Variants in ANO1 observed in about 807,000 individuals in gnomAD.
The protein encoded by ANO1 is anoctamin-1.
In ANO1, 59 loss-of-function variants were observed where a neutral mutation model predicts 124.0. The observed-to-expected ratio is 0.48, with a 90% CI of 0.39 to 0.59. The LOEUF (loss-of-function observed/expected upper bound fraction) is 0.59. ANO1 is among the 20% of genes least tolerant of loss of function. The pLI is 0.00. For synonymous variants in ANO1, 529 were observed against 532.0 expected (o/e 0.99, Z 0.08); for missense variants, 1,059 against 1,328.0 (o/e 0.80, Z 3.15).
At chr11:70,071,589 A>G (rs1332334935) in intron 1 of ANO1, among the ~76,000 whole-genome samples, 1 of 151,792 alleles carries the variant, frequency 6.6e-6, no homozygotes, top group African/African-American at 2.4e-5. Flanking sequence ...GTAGTTGGAA[A>G]AAAGAGAATG....
chr11:70,071,622 T>G (rs1857875786), intron 1 of ANO1, among the ~76,000 whole-genome samples: 1 of 150,846 alleles, frequency 6.6e-6, no homozygotes, highest in Admixed American at 6.6e-5. Context: ...TTAATAACTT[T>G]TTTTTTTTTA....
At chr11:70,036,646 C>T (rs188565507) in intron 1 of ANO1, among the ~76,000 whole-genome samples, 3 of 152,184 alleles carry the variant, frequency 2.0e-5, no homozygotes, top group South Asian at 2.1e-4. Context: ...CTCGCTTTGT[C>T]GCCCAGGCTG....
rs2044131128 is a variant in ANO1 at position 70,079,226 on chromosome 11, C to G, written c.108+512C>G. ...TTCACTATCCTCTGGGGCCAGAGTC[C>G]CGAGTCCTCACTTGCCAGAAACGCA... On this transcript the variant is annotated intron_variant, in intron 1 of 25. Transcript: ENST00000355303. Among the ~76,000 whole-genome samples, 3 of 152,164 alleles carry G rather than the reference C, an allele frequency of 2.0e-5. No individual in the cohort carries two copies. In the South Asian group the frequency reaches 6.2e-4, roughly 31 times the overall value.
intron 1 of ANO1, among the ~76,000 whole-genome samples, chr11:70,001,281 G>T (rs1399599540): frequency 6.6e-6 from 1 of 152,150 alleles, no homozygotes; most frequent in Non-Finnish European, 1.5e-5. Flanking sequence ...AGAGGCAGAG[G>T]CCTCTACTCA....
At chr11:70,087,646 T>C in intron 1 of ANO1, 106 bp from the exon 2 acceptor site, 1 of 1,145,934 alleles carries the variant, frequency 8.7e-7, no homozygotes, top group South Asian at 1.8e-5. Context: ...GGAGTGTTTG[T>C]TGAACGAGTG....
chr11:70,152,334 CAAAA>C (rs56895585), intron 12 of ANO1, 112 bp from the exon 13 acceptor site: 1,458 of 435,320 alleles, frequency 3.3e-3, no homozygotes, highest in East Asian at 5.2e-3. Flanking sequence ...GACTCCATCT[CAAAA>C]AAAAAAAAAA....
At chr11:69,972,306 G>A in the ANO1 span, among the ~76,000 whole-genome samples, 1 of 151,842 alleles carries the variant, frequency 6.6e-6, no homozygotes, top group Non-Finnish European at 1.5e-5. Flanking sequence ...TGTACAGTAT[G>A]AGCCGTGTGT....
At position 70,115,643 on chromosome 11, in the gene ANO1, C is replaced by CA. The variant is rs111829966; in HGVS notation, c.856-807dup. On this transcript the variant is annotated intron_variant, in intron 7 of 25. Coordinates refer to ENST00000355303, the MANE Select transcript of ANO1 (RefSeq NM_018043.7). ...CAAAAACAAAATCAAAACAAACAAA[C>CA]AAAAAAAACTATTAGCCAGGCCAGG... Among the ~76,000 whole-genome samples, 11 of 151,552 alleles carry CA rather than the reference C, an allele frequency of 7.3e-5. No individual in the cohort carries two copies. The East Asian group carries it at 7.8e-4, about 11-fold the overall frequency.
chr11:70,113,095 G>C (rs1407960552), intron 7 of ANO1, among the ~76,000 whole-genome samples: 3 of 152,064 alleles, frequency 2.0e-5, no homozygotes, highest in Non-Finnish European at 4.4e-5. Context: ...CACACATGCT[G>C]TTCCTTCTGC....
intron 1 of ANO1, among the ~76,000 whole-genome samples, chr11:70,066,702 G>A (rs117897763): frequency 5.8e-4 from 88 of 152,298 alleles, no homozygotes; most frequent in Admixed American, 9.2e-4. Flanking sequence ...CTGGTCTCCC[G>A]TGGAGATTAG....
chr11:70,167,941 T>C (rs2048319679), intron 21 of ANO1, among the ~76,000 whole-genome samples: 1 of 152,178 alleles, frequency 6.6e-6, no homozygotes, highest in South Asian at 2.1e-4. Context: ...GGTGAGCTCC[T>C]GAGTTGCAGG....
At chr11:70,045,247 G>C (rs1857241146) in intron 1 of ANO1, among the ~76,000 whole-genome samples, 1 of 152,184 alleles carries the variant, frequency 6.6e-6, no homozygotes. Flanking sequence ...TCAATATAAA[G>C]AGTTACCAAA....
At chr11:69,975,046 G>A in the ANO1 span, among the ~76,000 whole-genome samples, 6 of 152,204 alleles carry the variant, frequency 3.9e-5, no homozygotes, top group Non-Finnish European at 7.3e-5. Flanking sequence ...AGGGGCTGGC[G>A]TCCCACCCCA....
At chr11:70,067,280 C>G (rs1857751166) in intron 1 of ANO1, among the ~76,000 whole-genome samples, 1 of 151,870 alleles carries the variant, frequency 6.6e-6, no homozygotes, top group African/African-American at 2.4e-5. Flanking sequence ...GCCTGCCCCT[C>G]CCTCGCTGGA....
intron 1 of ANO1, among the ~76,000 whole-genome samples, chr11:70,067,988 G>A (rs367732153): frequency 7.2e-5 from 11 of 152,088 alleles, no homozygotes; most frequent in East Asian, 5.8e-4. Flanking sequence ...AGCTTAACAC[G>A]TAGAAGGACC....
At chr11:70,008,918 G>A (rs972074231) in intron 1 of ANO1, among the ~76,000 whole-genome samples, 5 of 152,112 alleles carry the variant, frequency 3.3e-5, no homozygotes, top group Non-Finnish European at 5.9e-5. Context: ...GACCCACATG[G>A]ATGCAGCCTG....
chr11:70,136,029 T>G (rs1002909232), intron 11 of ANO1, among the ~76,000 whole-genome samples: 2 of 152,212 alleles, frequency 1.3e-5, no homozygotes, highest in Non-Finnish European at 2.9e-5. Context: ...ACCTCCCTCC[T>G]TCTGGGAGTT....
At chr11:70,173,700 A>G (rs2048562776) in intron 22 of ANO1, among the ~76,000 whole-genome samples, 3 of 152,194 alleles carry the variant, frequency 2.0e-5, no homozygotes, top group African/African-American at 7.2e-5. Flanking sequence ...GTCTTAGGCA[A>G]TGGTTCTTAC....
At chr11:69,979,124 C>G in the ANO1 span, among the ~76,000 whole-genome samples, 1,025 of 152,320 alleles carry the variant, frequency 6.7e-3, 12 homozygotes, top group African/African-American at 0.024. Context: ...GAGCCTTTCA[C>G]CTGTCTCAGC....
Sources: gnomAD v4.1 joint callset for allele counts (sites outside exome capture counted in the v4.1 genomes callset) on GRCh38, gnomAD v4.1.1 for gene constraint, MANE v1.5 for transcripts, NCBI Gene and HGNC (gene_info 2026-07-23, HGNC 2026-07-21) for gene names.